Variants in DYNC2H1 observed in about 807,000 individuals in gnomAD.
DYNC2H1 encodes the protein cytoplasmic dynein 2 heavy chain 1.
In DYNC2H1, 410 loss-of-function variants were observed where a neutral mutation model predicts 570.0. That is an observed-to-expected ratio of 0.72 (90% CI 0.66 to 0.78). The LOEUF (loss-of-function observed/expected upper bound fraction) is 0.78. Among genes scored for constraint, DYNC2H1 ranks in the 30% least tolerant of loss-of-function variants. The probability of loss-of-function intolerance (pLI) is 0.00; values close to 1 mark genes in which losing one functional copy is unlikely to be tolerated. For synonymous variants in DYNC2H1, 1,688 were observed against 1,677.6 expected, an observed-to-expected ratio of 1.01 and a Z score of -0.15; for missense variants, 4,865 against 5,046.4, an observed-to-expected ratio of 0.96 and a Z score of 1.09.
chr11:103,326,518 C>T lies in DYNC2H1; in HGVS notation c.12039+2528C>T, dbSNP rs936900926. Among the ~76,000 whole-genome samples, 2 of 152,182 alleles carry T rather than the reference C, an allele frequency of 1.3e-5. No homozygotes were observed. Among genetic ancestry groups the T allele is most frequent in the Non-Finnish European group, 2.9e-5 (2 of 68,038 alleles). ...GCTTCTCCCCAGCTCCAGTGTTGGC[C>T]GCAGATCTGGGCTCGGTACTCCTGA... On this transcript the variant is annotated intron_variant, in intron 82 of 88. Coordinates refer to ENST00000375735, the MANE Select transcript of DYNC2H1 (RefSeq NM_001377.3). This position sits in a 1 kb window ranked among gnomAD's most constrained non-coding sequence, Gnocchi z 6.1.
At chr11:103,377,315 T>C (rs1285122401) in intron 83 of DYNC2H1, among the ~76,000 whole-genome samples, 1 of 152,118 alleles carries the variant, frequency 6.6e-6, no homozygotes, top group Non-Finnish European at 1.5e-5. Context: ...CTCCTCTTAT[T>C]TTTTCCCCCT....
At chr11:103,365,153 G>A (rs550795339) in intron 83 of DYNC2H1, among the ~76,000 whole-genome samples, 63 of 152,250 alleles carry the variant, frequency 4.1e-4, no homozygotes, top group Non-Finnish European at 8.7e-4. Context: ...TCTGAGGCCA[G>A]GAGTTCGAAA....
Position 103,241,661 on chromosome 11 carries a change from A to T in DYNC2H1, c.9820-2032A>T. On this transcript the variant is annotated intron_variant, in intron 63 of 88. Coordinates refer to ENST00000375735, the MANE Select transcript of DYNC2H1 (RefSeq NM_001377.3). This position sits in a 1 kb window ranked among gnomAD's most constrained non-coding sequence, Gnocchi z 5.1. ...AAAATTAGATCAAAAACCTAGGTGC[A>T]GCACCATGGTAACACTTCACAGGCT... 2 of 830,152 alleles carry T rather than the reference A, an allele frequency of 2.4e-6. No homozygotes were observed. Among genetic ancestry groups the T allele is most frequent in the Non-Finnish European group, 3.8e-6 (2 of 529,550 alleles). The allele number at this position is 830,152 out of a possible 1,614,324, so 51.4% of individuals were successfully genotyped here.
intron 66 of DYNC2H1, 40 bp downstream of exon 66, chr11:103,253,488 G>A (rs757186064): frequency 7.6e-6 from 12 of 1,570,450 alleles, no homozygotes; most frequent in African/African-American, 4.1e-5. Context: ...GAATCTTTTC[G>A]AGCTTTATAT....
At chr11:103,153,165 TAAC>T (rs1229876743) in intron 21 of DYNC2H1, 135 bp from the exon 22 acceptor site, 1 of 685,690 alleles carries the variant, frequency 1.5e-6, no homozygotes. Flanking sequence ...ATAATTAAAA[TAAC>T]AACCATCCTT....
chr11:103,167,034 G>T (rs1237590481), intron 31 of DYNC2H1, among the ~76,000 whole-genome samples: 5 of 99,510 alleles, frequency 5.0e-5, no homozygotes, highest in East Asian at 3.3e-4. Context: ...TTATTAGCCT[G>T]CATAATTTCT....
chr11:103,225,214 C>T (rs7109673), intron 59 of DYNC2H1, among the ~76,000 whole-genome samples: 9,807 of 151,896 alleles, frequency 0.065, 1,059 homozygotes, highest in African/African-American at 0.22. Flanking sequence ...CTGTTAACTC[C>T]GCTGATTATT....
chr11:103,300,540 G>T (rs987381943), intron 75 of DYNC2H1, among the ~76,000 whole-genome samples: 2 of 151,974 alleles, frequency 1.3e-5, no homozygotes, highest in African/African-American at 4.8e-5. Context: ...AGTTTTGTGG[G>T]CAGGATGGCT....
intron 76 of DYNC2H1, among the ~76,000 whole-genome samples, chr11:103,304,088 A>G (rs1205902283): frequency 2.0e-5 from 3 of 152,154 alleles, no homozygotes; most frequent in African/African-American, 4.8e-5. Context: ...TTCACCCTCA[A>G]TTTTTAAGAA....
Position 103,280,246 on chromosome 11 carries a change from T to A in DYNC2H1, c.10696-102T>A. The A allele has an allele frequency of 8.7e-7, 1 of 1,143,144 alleles. No homozygotes were observed. The highest frequency in any genetic ancestry group is 1.3e-6 in the Non-Finnish European group (1 of 787,070). The allele number at this position is 1,143,144 out of a possible 1,614,324, so 70.8% of individuals were successfully genotyped here. The stretch of plus-strand genomic sequence containing the variant: ...TACATCGATAAAAAAGTAGGTCATA[T>A]GAAGACAGAATAGAGATTTTTGTGT... On this transcript the variant is annotated intron_variant, in intron 70 of 88. Transcript: ENST00000375735. This position sits in a 1 kb window ranked among gnomAD's most constrained non-coding sequence, Gnocchi z 4.7.
rs993217047 is a variant in DYNC2H1, at chr11:103,363,427, G to A, written c.12156+5068G>A. On this transcript the variant is annotated intron_variant, in intron 83 of 88. Transcript: ENST00000375735. The surrounding 1 kb of genome is among the most constrained non-coding windows in gnomAD (Gnocchi z 5.6). ...GCCACTCTAAAGATTCTGGAATTTA[G>A]CAATTTCAAAATTGCTGTTAGGGGT... Among the ~76,000 whole-genome samples, 1 of 152,098 alleles carries A rather than the reference G, an allele frequency of 6.6e-6. No individual in the cohort carries two copies. Among genetic ancestry groups the A allele is most frequent in the Non-Finnish European group, 1.5e-5 (1 of 68,004 alleles).
chr11:103,410,167 A>G (rs2135682350), intron 84 of DYNC2H1, among the ~76,000 whole-genome samples: 1 of 152,198 alleles, frequency 6.6e-6, no homozygotes, highest in African/African-American at 2.4e-5. Flanking sequence ...ATACGTGTGT[A>G]GAGAGATTTT....
rs754320391 is a variant in DYNC2H1 at position 103,157,931 on chromosome 11, C to T, written c.4128-746C>T. Among the ~76,000 whole-genome samples, 17 of 152,128 alleles carry T rather than the reference C, an allele frequency of 1.1e-4. No individual in the cohort carries two copies. The highest frequency in any genetic ancestry group is 2.5e-4 in the Non-Finnish European group (17 of 68,028). On this transcript the variant is annotated intron_variant, in intron 26 of 88. Transcript: ENST00000375735. The surrounding 1 kb of genome is among the most constrained non-coding windows in gnomAD (Gnocchi z 4.2). ...TTCTTCCCAGAATCTTTGCCAGAAA[C>T]GTCTTCTACTCACTCACTTTTTCAT...
intron 43 of DYNC2H1, 111 bp downstream of exon 43, chr11:103,187,697 G>A: frequency 1.5e-6 from 2 of 1,347,244 alleles, no homozygotes; most frequent in Admixed American, 5.1e-5. Flanking sequence ...TCTAGCATTT[G>A]TCATGGAAAT....
chr11:103,365,365 A>AG (rs35761910), intron 83 of DYNC2H1, among the ~76,000 whole-genome samples: 2 of 27,578 alleles, frequency 7.3e-5, no homozygotes, highest in Non-Finnish European at 1.3e-4. Flanking sequence ...CCGGCTCAGG[A>AG]AAAAAAAAAA....
At chr11:103,416,409 C>T (rs1183386915) in intron 84 of DYNC2H1, among the ~76,000 whole-genome samples, 1 of 152,158 alleles carries the variant, frequency 6.6e-6, no homozygotes, top group Non-Finnish European at 1.5e-5. Context: ...AAGCTGGAGG[C>T]ATCAGCTACC....
intron 83 of DYNC2H1, among the ~76,000 whole-genome samples, chr11:103,372,466 C>G (rs1210342860): frequency 6.6e-6 from 1 of 152,028 alleles, no homozygotes; most frequent in East Asian, 1.9e-4. Flanking sequence ...TTGTCAAATG[C>G]CTTTTTTGTG....
At position 103,126,635 on chromosome 11, in the gene DYNC2H1, TA is replaced by T. The variant is rs574521546; in HGVS notation, c.1857+1341del. Among the ~76,000 whole-genome samples, 14 of 100,516 alleles carry T rather than the reference TA, an allele frequency of 1.4e-4. No individual in the cohort carries two copies. The East Asian group carries it at 2.2e-3, about 16-fold the overall frequency. 65.9% of individuals were successfully genotyped at this position (100,516 alleles called of 152,430 possible). A position where few individuals can be genotyped will look rare whatever the true frequency, so the allele number is the denominator to read the frequency against. Reference sequence around the variant, plus strand: ...CAAGTTTCTCTGACTCTAGAACTCATATTTTTTTTTTTTTTTTTTGAGACGG... The same window carrying T: ...CAAGTTTCTCTGACTCTAGAACTCATTTTTTTTTTTTTTTTTTTGAGACGG... On this transcript the variant is annotated intron_variant, in intron 12 of 88. Coordinates refer to ENST00000375735, the MANE Select transcript of DYNC2H1 (RefSeq NM_001377.3).
rs1565458451 is a variant in DYNC2H1 at position 103,280,306 on chromosome 11, CA to C, written c.10696-39del. The C allele has an allele frequency of 1.3e-6, 2 of 1,543,928 alleles. No homozygotes were observed. The highest frequency in any genetic ancestry group is 2.4e-5 in the South Asian group (2 of 83,100). The stretch of plus-strand genomic sequence containing the variant: ...TAACGACTATGCTTTTCCAAAGACA[CA>C]AATTTTTAAAAGGCAAGATAATATC... On this transcript the variant is annotated intron_variant, in intron 70 of 88. Transcript: ENST00000375735. The surrounding 1 kb of genome is among the most constrained non-coding windows in gnomAD (Gnocchi z 4.7).
Sources: allele counts gnomAD v4.1 joint callset (sites outside exome capture counted in the v4.1 genomes callset), GRCh38; gene constraint gnomAD v4.1.1; non-coding constraint Gnocchi (gnomAD v3.1); transcripts MANE v1.5; gene names NCBI Gene and HGNC (gene_info 2026-07-23, HGNC 2026-07-21).